The following TACC2 variants were observed in gnomAD, a reference collection of about 807,000 sequenced individuals.
TACC2 encodes the protein transforming acidic coiled-coil-containing protein 2.
In TACC2, 137 loss-of-function variants were observed where a neutral mutation model predicts 227.3. The observed-to-expected ratio is 0.60, with a 90% CI of 0.52 to 0.69. The LOEUF (loss-of-function observed/expected upper bound fraction) is 0.69. TACC2 is among the 30% of genes least tolerant of loss of function. TACC2 has a pLI of 0.00. For synonymous variants in TACC2, 1,523 were observed against 1,487.5 expected (o/e 1.02, Z -0.55); for missense variants, 3,470 against 3,694.4 (o/e 0.94, Z 1.57).
intron 7 of TACC2, among the ~76,000 whole-genome samples, chr10:122,173,837 C>T (rs935119514): frequency 3.3e-5 from 5 of 152,224 alleles, no homozygotes; most frequent in Non-Finnish European, 7.3e-5. Flanking sequence ...ATGGAGCACA[C>T]ACCATGAAAG....
chr10:122,025,309 G>A (rs1182176761), intron 2 of TACC2, among the ~76,000 whole-genome samples: 2 of 152,212 alleles, frequency 1.3e-5, no homozygotes, highest in East Asian at 3.9e-4. Context: ...CAGCTGGGCT[G>A]GAGTGCAATG....
At chr10:122,064,768 G>A (rs2077208937) in intron 3 of TACC2, among the ~76,000 whole-genome samples, 1 of 152,082 alleles carries the variant, frequency 6.6e-6, no homozygotes. Flanking sequence ...CCACATTCTT[G>A]GGAATCACTC....
chr10:122,073,126 A>AAAAATATATATAT (rs1383487943), intron 3 of TACC2, among the ~76,000 whole-genome samples: 1 of 71,018 alleles, frequency 1.4e-5, no homozygotes, highest in Non-Finnish European at 2.5e-5. Context: ...AAAAAAAAAA[A>AAAAATATATATAT]ATATATATAT....
In TACC2 at chr10:122,152,541, C is replaced by G. The variant is rs751033432; in HGVS notation, c.5834+8835C>G. ...TTACTTGGTGGGCTGCAGTGATACT[C>G]TATTCCATTCCATTCCATAAACGCG... On this transcript the variant is annotated intron_variant, in intron 7 of 22. Transcript: ENST00000369005. Among the ~76,000 whole-genome samples the G allele has an allele frequency of 2.4e-4, 36 of 152,354 alleles. No individual in the cohort carries two copies. In the Middle Eastern group the frequency reaches 0.024, roughly 101 times the overall value.
At chr10:122,064,766 T>G (rs948025657) in intron 3 of TACC2, among the ~76,000 whole-genome samples, 92 of 152,332 alleles carry the variant, frequency 6.0e-4, no homozygotes, top group African/African-American at 1.9e-3. Flanking sequence ...TCCCACATTC[T>G]TGGGAATCAC....
At chr10:122,076,201 C>T (rs189960258) in intron 3 of TACC2, among the ~76,000 whole-genome samples, 15 of 152,170 alleles carry the variant, frequency 9.9e-5, no homozygotes, top group Admixed American at 4.6e-4. Context: ...TATGAGGTGG[C>T]GCAGGACATC....
At chr10:122,162,916 TA>T (rs1039686501) in intron 7 of TACC2, among the ~76,000 whole-genome samples, 15 of 152,096 alleles carry the variant, frequency 9.9e-5, no homozygotes, top group Non-Finnish European at 1.6e-4. Flanking sequence ...TCTGCTTGTT[TA>T]GGGTGAGCCT....
At chr10:122,080,211 CT>C (rs111618289) in intron 3 of TACC2, among the ~76,000 whole-genome samples, 54,814 of 112,970 alleles carry the variant, frequency 0.49, 11,458 homozygotes, top group East Asian at 0.57. Context: ...TCTTCCTTTC[CT>C]TTTTTTTTTT....
intron 5 of TACC2, among the ~76,000 whole-genome samples, chr10:122,130,834 G>A (rs1295697943): frequency 6.6e-6 from 1 of 151,002 alleles, no homozygotes; most frequent in Non-Finnish European, 1.5e-5. Context: ...ACAGTTCCTG[G>A]CACGTATACG....
At chr10:122,088,085 T>G in intron 4 of TACC2, 126 bp downstream of exon 4, 1 of 1,057,368 alleles carries the variant, frequency 9.5e-7, no homozygotes, top group Non-Finnish European at 1.3e-6. Flanking sequence ...CATATCTAAT[T>G]GCTAAATGAA....
chr10:122,096,756 A>G (rs1171707954), intron 5 of TACC2, among the ~76,000 whole-genome samples: 1 of 151,642 alleles, frequency 6.6e-6, no homozygotes, highest in Non-Finnish European at 1.5e-5. Context: ...ATGGGCAGAC[A>G]TGTGGTTTTT....
rs2094508633 is a variant in TACC2, at chr10:122,194,657, G to GT, written c.5835-382dup. ...GCAGGACAGTAGAGAGGATGATGGG[G>GT]TGGGATCATGTGGGTGAGTTGGCAC... On this transcript the variant is annotated intron_variant, in intron 7 of 22. Transcript: ENST00000369005. The surrounding 1 kb of genome is among the most constrained non-coding windows in gnomAD (Gnocchi z 4.4). Among the ~76,000 whole-genome samples the GT allele has an allele frequency of 6.6e-6, 1 of 152,202 alleles. No individual in the cohort carries two copies. The highest frequency in any genetic ancestry group is 2.1e-4 in the South Asian group (1 of 4,824).
Position 122,170,263 on chromosome 10 carries a change from CTTTTTTTTTTT to C in TACC2, c.5835-24763_5835-24753del, listed in dbSNP as rs34194262. 3.5e-4 allele frequency among the ~76,000 whole-genome samples: 22 copies of C among 63,216 alleles called. 1 individual carries two copies. The South Asian group carries it at 3.8e-3, about 11-fold the overall frequency. The allele number at this position is 63,216 out of a possible 152,430, so 41.5% of individuals were successfully genotyped here. A position where few individuals can be genotyped will look rare whatever the true frequency, so the allele number is the denominator to read the frequency against. On this transcript the variant is annotated intron_variant, in intron 7 of 22. Transcript: ENST00000369005. ...CAAACCAGAAACCTGATGATCAAGT[CTTTTTTTTTTT>C]TTTTTTTTTTTTTGAGGTGGAGTCT...
intron 17 of TACC2, 116 bp from the exon 18 acceptor site, chr10:122,237,845 T>G: frequency 3.8e-6 from 3 of 794,582 alleles, no homozygotes; most frequent in Non-Finnish European, 6.1e-6. Flanking sequence ...TATGGTTTGT[T>G]GTAGGAAGTT....
chr10:122,190,788 C>T (rs2094386642), intron 7 of TACC2, among the ~76,000 whole-genome samples: 1 of 152,166 alleles, frequency 6.6e-6, no homozygotes, highest in South Asian at 2.1e-4. Context: ...ATCCGGCTAC[C>T]TCATGTCTCC....
At chr10:122,156,791 T>G (rs1163603900) in intron 7 of TACC2, among the ~76,000 whole-genome samples, 1 of 152,156 alleles carries the variant, frequency 6.6e-6, no homozygotes, top group Non-Finnish European at 1.5e-5. Context: ...CACTGTATAT[T>G]TGCTCCTTCA....
At chr10:122,110,845 T>A (rs1443838561) in intron 5 of TACC2, among the ~76,000 whole-genome samples, 1 of 152,188 alleles carries the variant, frequency 6.6e-6, no homozygotes, top group Non-Finnish European at 1.5e-5. Context: ...CTAGGAGCTG[T>A]GTAGGTGAAA....
At chr10:122,132,214 C>G (rs779968890) in intron 5 of TACC2, among the ~76,000 whole-genome samples, 1 of 152,162 alleles carries the variant, frequency 6.6e-6, no homozygotes, top group Admixed American at 6.5e-5. Context: ...AGGCCCTGCT[C>G]AGGATCCAGA....
chr10:122,153,705 C>T lies in TACC2; in HGVS notation c.5834+9999C>T, dbSNP rs938987996. ...TGCCTCGGGCTTTTTCACATATTAT[C>T]TCATTTAAACCTTGCACCCTCGATG... On this transcript the variant is annotated intron_variant, in intron 7 of 22. Transcript: ENST00000369005. Among the ~76,000 whole-genome samples the T allele has an allele frequency of 3.3e-5, 5 of 152,336 alleles. No homozygotes were observed. In the East Asian group the frequency reaches 7.7e-4, roughly 24 times the overall value.
Sources: gnomAD v4.1 joint callset for allele counts (sites outside exome capture counted in the v4.1 genomes callset) on GRCh38, gnomAD v4.1.1 for gene constraint, Gnocchi (gnomAD v3.1) non-coding constraint, MANE v1.5 for transcripts, NCBI Gene and HGNC (gene_info 2026-07-23, HGNC 2026-07-21) for gene names.